The following TOX variants were observed in gnomAD, a reference collection of about 807,000 sequenced individuals.
TOX encodes thymocyte selection associated high mobility group box, also known as thymocyte selection-associated high mobility group box protein TOX.
TOX carries 11 observed loss-of-function variants against 53.7 expected under a neutral mutation model. The ratio of observed to expected loss-of-function variants is 0.20; its 90% CI spans 0.13 to 0.34. The LOEUF (loss-of-function observed/expected upper bound fraction) is 0.34, where lower values mean the gene tolerates loss of function less well. TOX is among the 10% of genes least tolerant of loss of function. TOX has a pLI of 1.00. For missense variants in TOX, 570 were observed against 664.6 expected, an observed-to-expected ratio of 0.86 and a Z score of 1.56; for synonymous variants, 225 against 245.3, an observed-to-expected ratio of 0.92 and a Z score of 0.77.
intron 1 of TOX, among the ~76,000 whole-genome samples, chr8:59,010,902 G>A (rs1813892966): frequency 1.3e-5 from 2 of 152,180 alleles, no homozygotes; most frequent in Admixed American, 1.3e-4. Context: ...GGCTCAGGTT[G>A]CCCGGTATGT....
At chr8:59,027,514 C>T (rs537924802) in intron 1 of TOX, among the ~76,000 whole-genome samples, 2 of 151,668 alleles carry the variant, frequency 1.3e-5, no homozygotes, top group Non-Finnish European at 2.9e-5. Context: ...CTTTTTAAAA[C>T]CAGTCTTTCT....
At chr8:58,969,134 G>T (rs1812955978) in intron 1 of TOX, among the ~76,000 whole-genome samples, 1 of 152,168 alleles carries the variant, frequency 6.6e-6, no homozygotes, top group African/African-American at 2.4e-5. Context: ...CTCTCCTGGG[G>T]TAAGACAGGT....
chr8:59,061,648 A>T (rs1469902183), intron 1 of TOX, among the ~76,000 whole-genome samples: 1 of 151,992 alleles, frequency 6.6e-6, no homozygotes, highest in African/African-American at 2.4e-5. Flanking sequence ...TGGCCAGGTG[A>T]TGATAAGAGG....
intron 6 of TOX, among the ~76,000 whole-genome samples, chr8:58,818,467 T>C (rs1224195432): frequency 6.6e-6 from 1 of 152,180 alleles, no homozygotes; most frequent in Non-Finnish European, 1.5e-5. Flanking sequence ...ATATAAGTTA[T>C]TTTCCTGTAG....
rs56270941 is a variant in TOX, at chr8:58,923,575, A to G, written c.411+15727T>C. Among the ~76,000 whole-genome samples, 500 of 152,272 alleles carry G rather than the reference A, an allele frequency of 3.3e-3. 5 individuals carry two copies. The highest frequency in any genetic ancestry group is 3.7e-3 in the Non-Finnish European group (251 of 68,024). ...TTTCATTTTTAAGATCCTTAAGAAC[A>G]CTACCTCCATTAATTAGGTAGCTTT... is the stretch of plus-strand genomic sequence containing the variant. On this transcript the variant is annotated intron_variant, in intron 3 of 8. Transcript: ENST00000361421.
intron 3 of TOX, among the ~76,000 whole-genome samples, chr8:58,853,081 C>T (rs891229437): frequency 9.9e-5 from 15 of 152,182 alleles, no homozygotes; most frequent in Admixed American, 3.3e-4. Context: ...AGGCTGTCCA[C>T]AGCCCCCATG....
intron 1 of TOX, among the ~76,000 whole-genome samples, chr8:58,992,505 C>G (rs1813474594): frequency 6.6e-6 from 1 of 152,020 alleles, no homozygotes; most frequent in Non-Finnish European, 1.5e-5. Flanking sequence ...TTTGGGCAGC[C>G]CAACTCCTTC....
At chr8:59,033,893 C>T (rs1031225576) in intron 1 of TOX, among the ~76,000 whole-genome samples, 1 of 152,152 alleles carries the variant, frequency 6.6e-6, no homozygotes, top group African/African-American at 2.4e-5. Flanking sequence ...AGGGCGGCCT[C>T]AACATAGACA....
chr8:58,998,035 G>A (rs13253554), intron 1 of TOX, among the ~76,000 whole-genome samples: 12,240 of 151,954 alleles, frequency 0.081, 612 homozygotes, highest in Middle Eastern at 0.16. Context: ...CTCGTGATCC[G>A]CCCGCCTCGG....
At chr8:58,967,979 A>G (rs1440664639) in intron 1 of TOX, among the ~76,000 whole-genome samples, 1 of 152,184 alleles carries the variant, frequency 6.6e-6, no homozygotes, top group Non-Finnish European at 1.5e-5. Context: ...ATTATATTAA[A>G]GAGTCATCGA....
intron 1 of TOX, among the ~76,000 whole-genome samples, chr8:59,022,840 T>G (rs1353398071): frequency 6.6e-6 from 1 of 152,184 alleles, no homozygotes; most frequent in Non-Finnish European, 1.5e-5. Context: ...TCTTGACCGT[T>G]GGCTCACTTT....
chr8:59,051,973 T>C (rs946684637), intron 1 of TOX, among the ~76,000 whole-genome samples: 4 of 152,212 alleles, frequency 2.6e-5, no homozygotes, highest in African/African-American at 9.6e-5. Flanking sequence ...GTTTTGACTC[T>C]CTACTTTGTC....
chr8:58,927,926 C>G (rs1191070396), intron 3 of TOX, among the ~76,000 whole-genome samples: 1 of 152,198 alleles, frequency 6.6e-6, no homozygotes, highest in Non-Finnish European at 1.5e-5. Flanking sequence ...CGGCCTCACC[C>G]AGACCCACAG....
At chr8:58,922,087 A>G (rs1812084220) in intron 3 of TOX, among the ~76,000 whole-genome samples, 1 of 152,198 alleles carries the variant, frequency 6.6e-6, no homozygotes, top group East Asian at 1.9e-4. Context: ...TGAGAACAAT[A>G]GCTGTTCTTA....
rs1306667873 is a variant in TOX, at chr8:58,961,532, C to CT, written c.103-1525dup. On this transcript the variant is annotated intron_variant, in intron 1 of 8. Transcript: ENST00000361421. The stretch of plus-strand genomic sequence containing the variant: ...TGCTTTTCCATTGAACAGGTGAACT[C>CT]TTTTTTTTTTTTTTGAGATGGAGTT... Among the ~76,000 whole-genome samples, 532 of 142,994 alleles carry CT rather than the reference C, an allele frequency of 3.7e-3. 1 individual carries two copies. Among genetic ancestry groups the CT allele is most frequent in the Admixed American group, 5.5e-3 (79 of 14,242 alleles). The allele number at this position is 142,994 out of a possible 152,430, so 93.8% of individuals were successfully genotyped here.
intron 3 of TOX, among the ~76,000 whole-genome samples, chr8:58,864,106 A>T (rs752780361): frequency 5.3e-5 from 8 of 152,164 alleles, no homozygotes; most frequent in Admixed American, 4.6e-4. Context: ...AAAAGTAATG[A>T]TATGTCTAAG....
At position 59,109,076 on chromosome 8, in the gene TOX, T is replaced by A. The variant is rs1804966230; in HGVS notation, c.102+9810A>T. Among the ~76,000 whole-genome samples, 6 of 152,326 alleles carry A rather than the reference T, an allele frequency of 3.9e-5. No homozygotes were observed. In the South Asian group the frequency reaches 1.2e-3, roughly 32 times the overall value. On this transcript the variant is annotated intron_variant, in intron 1 of 8. Coordinates refer to ENST00000361421, the MANE Select transcript of TOX (RefSeq NM_014729.3). Reference sequence around the variant, plus strand: ...GTCTACAAACTAACACTGATTAATTTCTTAGATTTTAAATATCCCTTCCCA... The same window carrying A: ...GTCTACAAACTAACACTGATTAATTACTTAGATTTTAAATATCCCTTCCCA...
intron 1 of TOX, among the ~76,000 whole-genome samples, chr8:59,058,366 T>C (rs1168517105): frequency 6.6e-6 from 1 of 152,166 alleles, no homozygotes; most frequent in Non-Finnish European, 1.5e-5. Flanking sequence ...AAGGTGGGAA[T>C]GAAAAATAGC....
At chr8:58,963,298 G>GAT (rs752277652) in intron 1 of TOX, among the ~76,000 whole-genome samples, 3 of 81,750 alleles carry the variant, frequency 3.7e-5, no homozygotes, top group Non-Finnish European at 8.5e-5. Context: ...ATAGAAGATA[G>GAT]ATAGATAGAT....
Sources: gnomAD v4.1 joint callset for allele counts (sites outside exome capture counted in the v4.1 genomes callset) on GRCh38, gnomAD v4.1.1 for gene constraint, MANE v1.5 for transcripts, NCBI Gene and HGNC (gene_info 2026-07-23, HGNC 2026-07-21) for gene names.